Variants in LRP6 observed in about 807,000 individuals in gnomAD.
LRP6 encodes low-density lipoprotein receptor-related protein 6.
In LRP6, 43 loss-of-function variants were observed where a neutral mutation model predicts 184.1. The observed-to-expected ratio is 0.23, with a 90% CI of 0.18 to 0.30. The LOEUF is 0.30. LRP6 is among the 10% of genes least tolerant of loss of function. The pLI, the probability that LRP6 is intolerant of heterozygous loss-of-function variation, is 1.00. For synonymous variants in LRP6, 719 were observed against 684.9 expected, an observed-to-expected ratio of 1.05 and a Z score of -0.78; for missense variants, 1,571 against 2,005.3, an observed-to-expected ratio of 0.78 and a Z score of 4.14.
chr12:12,162,475 A>G, intron 9 of LRP6, 56 bp from the exon 10 acceptor site: 1 of 1,473,982 alleles, frequency 6.8e-7, no homozygotes, highest in East Asian at 2.3e-5. Flanking sequence ...CCCTATCCAG[A>G]AAGAAGGTTT....
chr12:12,168,540 T>C (rs562049660), intron 7 of LRP6, among the ~76,000 whole-genome samples: 1 of 152,256 alleles, frequency 6.6e-6, no homozygotes, highest in African/African-American at 2.4e-5. Flanking sequence ...AGGTATTAAA[T>C]TCCAGGATAA....
At chr12:12,236,108 T>A (rs976412270) in intron 2 of LRP6, among the ~76,000 whole-genome samples, 1 of 151,960 alleles carries the variant, frequency 6.6e-6, no homozygotes, top group African/African-American at 2.4e-5. Flanking sequence ...GTGCCTGTAG[T>A]CCCAGTCACT....
intron 2 of LRP6, among the ~76,000 whole-genome samples, chr12:12,217,527 G>A (rs1864380903): frequency 6.6e-6 from 1 of 152,066 alleles, no homozygotes; most frequent in African/African-American, 2.4e-5. Flanking sequence ...TGGAAAAACT[G>A]TCTTCCACAA....
intron 17 of LRP6, among the ~76,000 whole-genome samples, chr12:12,132,331 C>T (rs894338754): frequency 7.2e-5 from 11 of 152,078 alleles, no homozygotes; most frequent in African/African-American, 2.4e-4. Context: ...ATTTGCAATC[C>T]GTTACAGTCT....
chr12:12,148,830 A>T, intron 14 of LRP6, 112 bp downstream of exon 14: 1 of 817,266 alleles, frequency 1.2e-6, no homozygotes, highest in Non-Finnish European at 2.2e-6. Flanking sequence ...GAGAATATTG[A>T]ATTGTTTGCT....
chr12:12,245,108 G>A (rs1257074634), intron 1 of LRP6, among the ~76,000 whole-genome samples: 5 of 152,116 alleles, frequency 3.3e-5, no homozygotes, highest in Non-Finnish European at 4.4e-5. Context: ...ATTTACTCAA[G>A]AGAAACAAAA....
intron 7 of LRP6, among the ~76,000 whole-genome samples, chr12:12,170,353 C>T (rs1216616590): frequency 6.6e-6 from 1 of 152,012 alleles, no homozygotes; most frequent in Non-Finnish European, 1.5e-5. Flanking sequence ...AAACAGTAGA[C>T]AGAATTTTAA....
intron 20 of LRP6, among the ~76,000 whole-genome samples, chr12:12,125,951 T>C (rs1049578977): frequency 4.6e-5 from 7 of 152,058 alleles, no homozygotes; most frequent in African/African-American, 1.7e-4. Context: ...TAACTGAAAA[T>C]AGGTATGGCA....
intron 6 of LRP6, among the ~76,000 whole-genome samples, chr12:12,180,758 T>C (rs572768103): frequency 7.9e-5 from 12 of 152,040 alleles, no homozygotes; most frequent in Middle Eastern, 3.4e-3. Flanking sequence ...TTCCCACATT[T>C]TTCATGGTAA....
At chr12:12,238,567 T>C (rs1206101360) in intron 2 of LRP6, among the ~76,000 whole-genome samples, 1 of 152,092 alleles carries the variant, frequency 6.6e-6, no homozygotes, top group Non-Finnish European at 1.5e-5. Flanking sequence ...TAAATTACAA[T>C]GCAATACAGA....
At chr12:12,213,007 T>G (rs1205140745) in intron 2 of LRP6, among the ~76,000 whole-genome samples, 1 of 152,224 alleles carries the variant, frequency 6.6e-6, no homozygotes, top group African/African-American at 2.4e-5. Context: ...GAATATATTT[T>G]TCATTATATC....
chr12:12,195,398 G>C (rs1005814572), intron 3 of LRP6, among the ~76,000 whole-genome samples: 6 of 152,182 alleles, frequency 3.9e-5, no homozygotes, highest in Non-Finnish European at 7.4e-5. Context: ...ATGGTAACTA[G>C]GGTGAGATGA....
intron 2 of LRP6, among the ~76,000 whole-genome samples, chr12:12,210,747 A>G (rs1431622525): frequency 6.6e-6 from 1 of 152,228 alleles, no homozygotes; most frequent in Admixed American, 6.5e-5. Flanking sequence ...TTCAAAAATC[A>G]CATACATCAT....
At chr12:12,259,757 T>C (rs1865566371) in intron 1 of LRP6, among the ~76,000 whole-genome samples, 1 of 152,226 alleles carries the variant, frequency 6.6e-6, no homozygotes, top group Non-Finnish European at 1.5e-5. Context: ...GCCTAGTCTG[T>C]ATATTTGACT....
chr12:12,187,950 G>A (rs536513408), intron 3 of LRP6, among the ~76,000 whole-genome samples: 4 of 152,248 alleles, frequency 2.6e-5, no homozygotes, highest in African/African-American at 4.8e-5. Context: ...AGTGGCTCAC[G>A]TCTGTAATCC....
chr12:12,191,571 T>A (rs1167720842), intron 3 of LRP6, among the ~76,000 whole-genome samples: 1 of 151,958 alleles, frequency 6.6e-6, no homozygotes. Flanking sequence ...AAGAAAAGGA[T>A]AAAGTGAAGA....
intron 6 of LRP6, among the ~76,000 whole-genome samples, chr12:12,180,732 T>A (rs1408982029): frequency 6.6e-6 from 1 of 151,858 alleles, no homozygotes; most frequent in Non-Finnish European, 1.5e-5. Context: ...AGGGAAAGAG[T>A]TCTGAAAACA....
In LRP6 at chr12:12,120,202, A is replaced by G. The variant is rs1353155841; in HGVS notation, c.*924T>C. 1 of 151,688 alleles carries G rather than the reference A, an allele frequency of 6.6e-6. No individual in the cohort carries two copies. The highest frequency in any genetic ancestry group is 1.5e-5 in the Non-Finnish European group (1 of 67,942). The allele number at this position is 151,688 out of a possible 1,614,324, so 9.4% of individuals were successfully genotyped here. ...AAACAATCTTGGAAGAAGAGAAATA[A>G]TATGTCTAACTTTTGATCATTATGC... On this transcript the variant is annotated 3_prime_UTR_variant, in exon 23 of 23. Coordinates refer to ENST00000261349, the MANE Select transcript of LRP6 (RefSeq NM_002336.3).
chr12:12,142,906 C>T (rs991962030), intron 15 of LRP6, among the ~76,000 whole-genome samples: 16 of 151,986 alleles, frequency 1.1e-4, no homozygotes, highest in African/African-American at 3.4e-4. Flanking sequence ...TAGAAAACAA[C>T]AACAACAAAA....
Sources: allele counts gnomAD v4.1 joint callset (sites outside exome capture counted in the v4.1 genomes callset), GRCh38; gene constraint gnomAD v4.1.1; transcripts MANE v1.5; gene names NCBI Gene and HGNC (gene_info 2026-07-23, HGNC 2026-07-21).